CACNA1C: variants seen among roughly 807,000 people sequenced by gnomAD.
The protein encoded by CACNA1C is voltage-dependent L-type calcium channel subunit alpha-1C.
CACNA1C carries 30 observed loss-of-function variants against 229.0 expected under a neutral mutation model. That is an observed-to-expected ratio of 0.13 (90% CI 0.10 to 0.18). The LOEUF is 0.18. Ranked by LOEUF, CACNA1C falls within the 10% of genes least tolerant of loss-of-function variation. CACNA1C has a pLI of 1.00. For missense variants in CACNA1C, 1,658 were observed against 2,845.0 expected, an observed-to-expected ratio of 0.58 and a Z score of 9.49; for synonymous variants, 1,114 against 1,132.5, an observed-to-expected ratio of 0.98 and a Z score of 0.33.
chr12:2,541,405 AAG>A (rs1331768380), intron 9 of CACNA1C, among the ~76,000 whole-genome samples: 1 of 152,228 alleles, frequency 6.6e-6, no homozygotes, highest in Non-Finnish European at 1.5e-5. Flanking sequence ...AAAATGTAAT[AAG>A]ATGGGCACCT....
At chr12:2,460,310 G>A (rs1006559464) in intron 5 of CACNA1C, among the ~76,000 whole-genome samples, 53 of 152,374 alleles carry the variant, frequency 3.5e-4, no homozygotes, top group African/African-American at 1.3e-3. Context: ...CACCCTCAAA[G>A]ATAATGGGGC....
At chr12:2,674,463 G>A in intron 38 of CACNA1C, 78 bp from the exon 39 acceptor site, 1 of 1,499,146 alleles carries the variant, frequency 6.7e-7, no homozygotes, top group East Asian at 2.5e-5. Flanking sequence ...GCCACCATCT[G>A]TGGCTTCCTA....
At chr12:2,511,670 C>CTATT (rs2099784360) in intron 8 of CACNA1C, among the ~76,000 whole-genome samples, 2 of 152,144 alleles carry the variant, frequency 1.3e-5, no homozygotes, top group African/African-American at 4.8e-5. Context: ...TCCCCTATGC[C>CTATT]TATTTTGCAA....
chr12:2,257,040 G>C (rs916355397), intron 3 of CACNA1C, among the ~76,000 whole-genome samples: 1 of 152,214 alleles, frequency 6.6e-6, no homozygotes, highest in African/African-American at 2.4e-5. Context: ...GGGTGGCTCT[G>C]CTCCATATTG....
chr12:2,304,109 G>A (rs567668320), intron 3 of CACNA1C, among the ~76,000 whole-genome samples: 2 of 152,256 alleles, frequency 1.3e-5, no homozygotes, highest in Non-Finnish European at 2.9e-5. Flanking sequence ...GGGGTGCACA[G>A]GACGGAGCAG....
intron 5 of CACNA1C, among the ~76,000 whole-genome samples, chr12:2,466,047 G>A (rs571178728): frequency 6.6e-6 from 1 of 152,130 alleles, no homozygotes; most frequent in African/African-American, 2.4e-5. Context: ...TGAACCACAC[G>A]CATCCCGAGA....
rs2072557832 is a variant in CACNA1C, at chr12:2,601,954, G to T, written c.2954G>T (p.Gly985Val). Residue 985 changes from glycine to valine, a missense_variant, in exon 22 of 47, where the codon GGC (glycine) becomes GTC (valine). Coordinates refer to ENST00000399655, the MANE Select transcript of CACNA1C (RefSeq NM_000719.7). This position sits in a 1 kb window ranked among gnomAD's most constrained non-coding sequence, Gnocchi z 5.9. ...LVVSVSLISF[G>V]IQSSAINVVK... ...GTCAGCGTGTCCCTCATCTCCTTTG[G>T]CATCCAGTGAGTGGGAGCCCCTCAG... is the stretch of plus-strand genomic sequence containing the variant. 1 of 1,607,824 alleles carries T rather than the reference G, an allele frequency of 6.2e-7. No individual in the cohort carries two copies. The highest frequency in any genetic ancestry group is 8.5e-7 in the Non-Finnish European group (1 of 1,174,304).
rs775740558 is a variant in CACNA1C, at chr12:2,665,017, A to G, written c.4398+27A>G. 4 of 1,612,984 alleles carry G rather than the reference A, an allele frequency of 2.5e-6. No homozygotes were observed. The highest frequency in any genetic ancestry group is 1.1e-5 in the South Asian group (1 of 91,040). ...TAAGCCAAGGGGGAACTCAACAGCC[A>G]GCAGCCATGACTGCCCAGTTCCAGG... On this transcript the variant is annotated intron_variant, in intron 35 of 46. Coordinates refer to ENST00000399655, the MANE Select transcript of CACNA1C (RefSeq NM_000719.7). This position sits in a 1 kb window ranked among gnomAD's most constrained non-coding sequence, Gnocchi z 5.9.
At chr12:2,058,799 G>A (rs528789223) in intron 1 of CACNA1C, among the ~76,000 whole-genome samples, 1 of 152,312 alleles carries the variant, frequency 6.6e-6, no homozygotes, top group South Asian at 2.1e-4. Flanking sequence ...TGAACCCACT[G>A]CAGAAAAAGC....
intron 3 of CACNA1C, among the ~76,000 whole-genome samples, chr12:2,342,732 T>C (rs1219697940): frequency 6.6e-6 from 1 of 152,236 alleles, no homozygotes; most frequent in Non-Finnish European, 1.5e-5. Flanking sequence ...AGTGCTGCAG[T>C]AGGATGATGT....
intron 1 of CACNA1C, among the ~76,000 whole-genome samples, chr12:1,985,035 T>TAA (rs796830744): frequency 2.9e-4 from 42 of 142,460 alleles, no homozygotes; most frequent in African/African-American, 1.0e-3. Context: ...CTTTCAAGAT[T>TAA]AAAAAAAAAA....
At chr12:2,147,268 G>C (rs1370708176) in intron 3 of CACNA1C, among the ~76,000 whole-genome samples, 1 of 151,428 alleles carries the variant, frequency 6.6e-6, no homozygotes, top group African/African-American at 2.4e-5. Context: ...GCTGACTAGA[G>C]AGAGAGGAAA....
intron 3 of CACNA1C, among the ~76,000 whole-genome samples, chr12:2,211,606 G>T (rs1461447110): frequency 2.0e-5 from 3 of 152,052 alleles, no homozygotes; most frequent in Non-Finnish European, 4.4e-5. Context: ...ATTCATGCAG[G>T]TTTGGCCTTG....
intron 5 of CACNA1C, among the ~76,000 whole-genome samples, chr12:2,475,640 A>C (rs1205823884): frequency 1.3e-5 from 2 of 152,238 alleles, no homozygotes; most frequent in African/African-American, 2.4e-5. Flanking sequence ...ACAGTTATTG[A>C]ACTAGAGAGA....
chr12:2,115,097 C>A, intron 1 of CACNA1C, 127 bp from the exon 2 acceptor site: 1 of 733,582 alleles, frequency 1.4e-6, no homozygotes, highest in Non-Finnish European at 2.2e-6. Flanking sequence ...CACGTGCCAC[C>A]TCCTAACCGC....
rs2066343746 is a variant in CACNA1C at position 2,593,268 on chromosome 12, C to G, written c.2586C>G (p.Leu862=). The G allele has an allele frequency of 6.2e-7, 1 of 1,613,794 alleles. No individual in the cohort carries two copies. The highest frequency in any genetic ancestry group is 2.2e-5 in the East Asian group (1 of 44,876). Reference sequence around the variant, plus strand: ...CTGTCGGCCCTCGCCCACGACCACTCTCTGAGCTTCACCTTAAGGAAAAGG... The same window carrying G: ...CTGTCGGCCCTCGCCCACGACCACTGTCTGAGCTTCACCTTAAGGAAAAGG... ...EMPVGPRPRP[L]SELHLKEKAV... The change falls in exon 19 of 47, where the codon CTC becomes CTG. Residue 862 remains leucine, a synonymous_variant. Transcript: ENST00000399655.
At chr12:2,205,061 C>T (rs1229602158) in intron 3 of CACNA1C, among the ~76,000 whole-genome samples, 1 of 152,192 alleles carries the variant, frequency 6.6e-6, no homozygotes, top group African/African-American at 2.4e-5. Context: ...GTCTTGGCCA[C>T]ATGTGTGGGA....
intron 3 of CACNA1C, among the ~76,000 whole-genome samples, chr12:2,175,754 T>A (rs1006687356): frequency 1.3e-5 from 2 of 152,160 alleles, no homozygotes; most frequent in Admixed American, 6.6e-5. Context: ...AAGAACGCTC[T>A]CTCATCAACA....
At chr12:2,092,214 C>T (rs1274168534) in intron 1 of CACNA1C, among the ~76,000 whole-genome samples, 1 of 152,204 alleles carries the variant, frequency 6.6e-6, no homozygotes, top group African/African-American at 2.4e-5. Flanking sequence ...TGCCCGCCTC[C>T]TTCCCCCAGC....
Sources: allele counts gnomAD v4.1 joint callset (sites outside exome capture counted in the v4.1 genomes callset), GRCh38; gene constraint gnomAD v4.1.1; non-coding constraint Gnocchi (gnomAD v3.1); transcripts MANE v1.5; gene names NCBI Gene and HGNC (gene_info 2026-07-23, HGNC 2026-07-21).